KIRREL3: variants seen among roughly 807,000 people sequenced by gnomAD.
KIRREL3 encodes kin of IRRE-like protein 3.
Under a neutral mutation model 89.7 loss-of-function variants are expected in KIRREL3, and 36 were observed. The ratio of observed to expected loss-of-function variants is 0.40; its 90% CI spans 0.31 to 0.53. The LOEUF is 0.53. Among genes scored for constraint, KIRREL3 ranks in the 20% least tolerant of loss-of-function variants. KIRREL3 has a pLI of 0.49. For synonymous variants in KIRREL3, 445 were observed against 441.4 expected (o/e 1.01, Z -0.10); for missense variants, 864 against 1,056.6 (o/e 0.82, Z 2.53).
rs1377526759 is a variant in KIRREL3 at position 126,734,973 on chromosome 11, A to C, written c.56-172061T>G. ...CCGACCAAGGGCAGGGTCAATGTGC[A>C]CTGCCTGCAGCAAGCATAGCAGTTT... is the stretch of plus-strand genomic sequence containing the variant. On this transcript the variant is annotated intron_variant, in intron 1 of 16. Coordinates refer to ENST00000525144, the MANE Select transcript of KIRREL3 (RefSeq NM_032531.4). This position sits in a 1 kb window ranked among gnomAD's most constrained non-coding sequence, Gnocchi z 5.9. Among the ~76,000 whole-genome samples the C allele has an allele frequency of 6.6e-6, 1 of 152,208 alleles. No homozygotes were observed. Among genetic ancestry groups the C allele is most frequent in the Non-Finnish European group, 1.5e-5 (1 of 68,040 alleles).
intron 1 of KIRREL3, among the ~76,000 whole-genome samples, chr11:126,961,804 C>T (rs1424682438): frequency 5.3e-5 from 8 of 152,218 alleles, no homozygotes; most frequent in Non-Finnish European, 1.2e-4. Flanking sequence ...TTCAAAGTTT[C>T]AAAGGACAGG....
chr11:126,536,179 G>A (rs1310335912), intron 2 of KIRREL3, among the ~76,000 whole-genome samples: 1 of 152,180 alleles, frequency 6.6e-6, no homozygotes, highest in African/African-American at 2.4e-5. Flanking sequence ...ATAGGCCCTG[G>A]CAGGGCCATC....
chr11:126,791,858 G>T lies in KIRREL3; in HGVS notation c.55+208597C>A, dbSNP rs976604795. On this transcript the variant is annotated intron_variant, in intron 1 of 16. Transcript: ENST00000525144. This position sits in a 1 kb window ranked among gnomAD's most constrained non-coding sequence, Gnocchi z 4.8. ...GCGGTTTCTCAGAGTGTGAGGTATG[G>T]GAATGTGGATGTAGCATTGATTCAC... Among the ~76,000 whole-genome samples, 12 of 152,162 alleles carry T rather than the reference G, an allele frequency of 7.9e-5. No homozygotes were observed. The highest frequency in any genetic ancestry group is 1.5e-4 in the Non-Finnish European group (10 of 68,038).
Position 126,526,465 on chromosome 11 carries a change from C to T in KIRREL3, c.283+73G>A. ...TCAGACACCTGTGAAGATGGGTGCT[C>T]CCTAGGAAGGTGGATGGGTGAGTAA... On this transcript the variant is annotated intron_variant, in intron 3 of 16. Transcript: ENST00000525144. The surrounding 1 kb of genome is among the most constrained non-coding windows in gnomAD (Gnocchi z 5.7). 2 of 1,444,378 alleles carry T rather than the reference C, an allele frequency of 1.4e-6. No homozygotes were observed. Among genetic ancestry groups the T allele is most frequent in the Non-Finnish European group, 1.9e-6 (2 of 1,051,212 alleles). The allele number at this position is 1,444,378 out of a possible 1,614,324, so 89.5% of individuals were successfully genotyped here. A position where few individuals can be genotyped will look rare whatever the true frequency, so the allele number is the denominator to read the frequency against.
At chr11:126,591,059 C>T (rs1942109703) in intron 1 of KIRREL3, among the ~76,000 whole-genome samples, 1 of 152,190 alleles carries the variant, frequency 6.6e-6, no homozygotes. Flanking sequence ...AATTACGTCT[C>T]TACTAAAAAT....
In KIRREL3 at chr11:126,623,962, C is replaced by T. The variant is rs1045988756; in HGVS notation, c.56-61050G>A. On this transcript the variant is annotated intron_variant, in intron 1 of 16. Coordinates refer to ENST00000525144, the MANE Select transcript of KIRREL3 (RefSeq NM_032531.4). The surrounding 1 kb of genome is among the most constrained non-coding windows in gnomAD (Gnocchi z 4.1). ...CAGTTTTGTGAATTCTGTGAATTAC[C>T]CTTGAACTGGTCAGAAAGATCCAAC... Among the ~76,000 whole-genome samples, 1 of 151,970 alleles carries T rather than the reference C, an allele frequency of 6.6e-6. No individual in the cohort carries two copies. The highest frequency in any genetic ancestry group is 1.5e-5 in the Non-Finnish European group (1 of 67,992).
intron 1 of KIRREL3, among the ~76,000 whole-genome samples, chr11:126,657,148 A>G (rs1247594212): frequency 6.6e-6 from 1 of 152,148 alleles, no homozygotes; most frequent in Non-Finnish European, 1.5e-5. Context: ...TGTTTATTCT[A>G]TAAACATGAC....
Position 126,459,712 on chromosome 11 carries a change from G to A in KIRREL3, c.743-3258C>T, listed in dbSNP as rs1314419949. 2.0e-5 allele frequency among the ~76,000 whole-genome samples: 3 copies of A among 152,140 alleles called. No individual in the cohort carries two copies. Among genetic ancestry groups the A allele is most frequent in the Admixed American group, 6.5e-5 (1 of 15,272 alleles). ...TGAGAGTCTGTTAGTGTTTCCATCC[G>A]CCCGTGTGTGCGTGTGTCCATGTGT... On this transcript the variant is annotated intron_variant, in intron 6 of 16. Coordinates refer to ENST00000525144, the MANE Select transcript of KIRREL3 (RefSeq NM_032531.4). This position sits in a 1 kb window ranked among gnomAD's most constrained non-coding sequence, Gnocchi z 4.8.
rs536343955 is a variant in KIRREL3 at position 126,534,194 on chromosome 11, G to A, written c.134-7507C>T. ...GTTGGAAGCCTTGGCCAGCTGCTGT[G>A]AGCCATGCCCTGTGGGGGAGAAGAG... On this transcript the variant is annotated intron_variant, in intron 2 of 16. Transcript: ENST00000525144. Among the ~76,000 whole-genome samples the A allele has an allele frequency of 5.5e-4, 84 of 151,472 alleles. 1 individual carries two copies. Among genetic ancestry groups the A allele is most frequent in the African/African-American group, 1.9e-3 (80 of 41,270 alleles).
intron 1 of KIRREL3, among the ~76,000 whole-genome samples, chr11:126,707,193 G>A (rs1452090262): frequency 1.3e-5 from 2 of 148,630 alleles, no homozygotes; most frequent in Non-Finnish European, 3.0e-5. Context: ...TGATCCTCCC[G>A]CCTCAGCCTC....
Position 126,486,987 on chromosome 11 carries a change from A to G in KIRREL3, c.434-13521T>C, listed in dbSNP as rs10893523. On this transcript the variant is annotated intron_variant, in intron 4 of 16. Transcript: ENST00000525144. This position sits in a 1 kb window ranked among gnomAD's most constrained non-coding sequence, Gnocchi z 6.2. ...AATCCACCTCCTCAACGAGCCTCATAGTTTCAGTAAGGACGAAAATGAGGC... is the reference window on the plus strand; with the variant it reads ...AATCCACCTCCTCAACGAGCCTCATGGTTTCAGTAAGGACGAAAATGAGGC... Among the ~76,000 whole-genome samples, 70,706 of 151,914 alleles carry G rather than the reference A, an allele frequency of 0.47. 18,022 individuals are homozygous for G. Among genetic ancestry groups the G allele is most frequent in the African/African-American group, 0.68 (28,179 of 41,430 alleles).
intron 1 of KIRREL3, among the ~76,000 whole-genome samples, chr11:126,819,816 T>A (rs1436013901): frequency 1.3e-5 from 2 of 152,202 alleles, no homozygotes; most frequent in Admixed American, 1.3e-4. Flanking sequence ...AGACAGTGGC[T>A]CTTGATTGGT....
chr11:126,928,499 G>A (rs1275828213), intron 1 of KIRREL3, among the ~76,000 whole-genome samples: 2 of 152,236 alleles, frequency 1.3e-5, no homozygotes, highest in Admixed American at 6.5e-5. Flanking sequence ...TGTAGGGAAT[G>A]AACTTGAGAA....
Position 126,999,647 on chromosome 11 carries a change from A to G in KIRREL3, c.55+808T>C, listed in dbSNP as rs1477503275. 6.6e-6 allele frequency among the ~76,000 whole-genome samples: 1 copy of G among 152,156 alleles called. No individual in the cohort carries two copies. Among genetic ancestry groups the G allele is most frequent in the African/African-American group, 2.4e-5 (1 of 41,438 alleles). Reference sequence around the variant, plus strand: ...TGACTTTTGATGCCTTTGGCCAACTAGGCACTCACATTCCCTCTCCCGAAT... The same window carrying G: ...TGACTTTTGATGCCTTTGGCCAACTGGGCACTCACATTCCCTCTCCCGAAT... On this transcript the variant is annotated intron_variant, in intron 1 of 16. Coordinates refer to ENST00000525144, the MANE Select transcript of KIRREL3 (RefSeq NM_032531.4). The surrounding 1 kb of genome is among the most constrained non-coding windows in gnomAD (Gnocchi z 5.7).
At position 126,576,548 on chromosome 11, in the gene KIRREL3, C is replaced by A. The variant is rs535851396; in HGVS notation, c.56-13636G>T. The stretch of plus-strand genomic sequence containing the variant: ...GTAGGAAGTTTCATGTGGGTTTGGG[C>A]AAATTATTAAACATCCCTGGACCTC... On this transcript the variant is annotated intron_variant, in intron 1 of 16. Coordinates refer to ENST00000525144, the MANE Select transcript of KIRREL3 (RefSeq NM_032531.4). This position sits in a 1 kb window ranked among gnomAD's most constrained non-coding sequence, Gnocchi z 5.4. Among the ~76,000 whole-genome samples, 27 of 152,234 alleles carry A rather than the reference C, an allele frequency of 1.8e-4. No individual in the cohort carries two copies. Among genetic ancestry groups the A allele is most frequent in the African/African-American group, 6.5e-4 (27 of 41,536 alleles).
rs1161564260 is a variant in KIRREL3 at position 126,687,596 on chromosome 11, TC to T, written c.56-124685del. Among the ~76,000 whole-genome samples, 5 of 152,226 alleles carry T rather than the reference TC, an allele frequency of 3.3e-5. No homozygotes were observed. Among genetic ancestry groups the T allele is most frequent in the African/African-American group, 1.2e-4 (5 of 41,452 alleles). On this transcript the variant is annotated intron_variant, in intron 1 of 16. Transcript: ENST00000525144. The surrounding 1 kb of genome is among the most constrained non-coding windows in gnomAD (Gnocchi z 4.6). ...CCTAAGACATTCTTCTGCTACCATC[TC>T]TTGCATGCTCAGTTCATTGATTGAT...
rs757623129 is a variant in KIRREL3, at chr11:126,955,458, C to T, written c.55+44997G>A. ...AGAAATGCCCTGGCCGCCCATGGGC[C>T]GGGATCTTCCTAGCCCTCCCTTCCC... On this transcript the variant is annotated intron_variant, in intron 1 of 16. Transcript: ENST00000525144. This position sits in a 1 kb window ranked among gnomAD's most constrained non-coding sequence, Gnocchi z 4.6. Among the ~76,000 whole-genome samples, 26 of 152,158 alleles carry T rather than the reference C, an allele frequency of 1.7e-4. 1 individual carries two copies. Among genetic ancestry groups the T allele is most frequent in the Non-Finnish European group, 2.9e-4 (20 of 68,024 alleles).
chr11:126,473,230 C>A, intron 5 of KIRREL3, 79 bp downstream of exon 5: 1 of 961,466 alleles, frequency 1.0e-6, no homozygotes, highest in Non-Finnish European at 1.4e-6. Context: ...TCCCCATCAA[C>A]TCCCTGTCCA....
chr11:126,972,554 AAC>A (rs1949455666), intron 1 of KIRREL3, among the ~76,000 whole-genome samples: 1 of 152,126 alleles, frequency 6.6e-6, no homozygotes, highest in South Asian at 2.1e-4. Flanking sequence ...TGGAAAGATC[AAC>A]ACAGTCACGT....
Sources: allele counts gnomAD v4.1 joint callset (sites outside exome capture counted in the v4.1 genomes callset), GRCh38; gene constraint gnomAD v4.1.1; non-coding constraint Gnocchi (gnomAD v3.1); transcripts MANE v1.5; gene names NCBI Gene and HGNC (gene_info 2026-07-23, HGNC 2026-07-21).